PARP9: variants seen among roughly 807,000 people sequenced by gnomAD.
PARP9 encodes poly(ADP-ribose) polymerase family member 9.
Under a neutral mutation model 68.8 loss-of-function variants are expected in PARP9, and 48 were observed. That is an observed-to-expected ratio of 0.70 (90% CI 0.55 to 0.89). The LOEUF (loss-of-function observed/expected upper bound fraction) is 0.89. PARP9 is among the 40% of genes least tolerant of loss of function. The pLI, the probability that PARP9 is intolerant of heterozygous loss-of-function variation, is 0.00. For synonymous variants in PARP9, 309 were observed against 333.8 expected, an observed-to-expected ratio of 0.93 and a Z score of 0.81; for missense variants, 806 against 969.3, an observed-to-expected ratio of 0.83 and a Z score of 2.24.
chr3:122,535,176 A>G lies in PARP9; in HGVS notation c.2080+992T>C, dbSNP rs776647804. ...CTTTAGGAGCAAATGGAAATTATAG[A>G]TTTTTTAAGACTTTGCTAATGAAGG... is the stretch of plus-strand genomic sequence containing the variant. On this transcript the variant is annotated intron_variant, in intron 10 of 10. Coordinates refer to ENST00000682323, the MANE Select transcript of PARP9 (RefSeq NM_001146105.2). 1.3e-4 allele frequency: 127 copies of G among 985,278 alleles called. 1 individual carries two copies. The highest frequency in any genetic ancestry group is 3.5e-5 in the Non-Finnish European group (29 of 829,928). The allele number at this position is 985,278 out of a possible 1,614,324, so 61.0% of individuals were successfully genotyped here. A position where few individuals can be genotyped will look rare whatever the true frequency, so the allele number is the denominator to read the frequency against.
At chr3:122,549,183 T>G (rs1212535343) in intron 6 of PARP9, among the ~76,000 whole-genome samples, 1 of 151,990 alleles carries the variant, frequency 6.6e-6, no homozygotes, top group East Asian at 1.9e-4. Context: ...CCTGGCTAAT[T>G]TTTTGTATTT....
Position 122,550,713 on chromosome 3 carries a change from G to A in PARP9, c.1197C>T (p.Asn399=). Residue 399 remains asparagine, a synonymous_variant, in exon 6 of 11, where the codon AAC becomes AAT. Coordinates refer to ENST00000682323, the MANE Select transcript of PARP9 (RefSeq NM_001146105.2). ...SISFPALGTG[N]MEIKKETAAE... ...CTGCTGTTTCCTTCTTTATTTCCAT[G>A]TTTCCAGTCCCAAGGGCAGGAAAGG... is the stretch of plus-strand genomic sequence containing the variant. The A allele has an allele frequency of 1.2e-6, 2 of 1,613,994 alleles. No individual in the cohort carries two copies. Among genetic ancestry groups the A allele is most frequent in the Non-Finnish European group, 1.7e-6 (2 of 1,179,954 alleles).
chr3:122,547,180 C>T (rs1242779811), intron 6 of PARP9, among the ~76,000 whole-genome samples: 2 of 148,128 alleles, frequency 1.4e-5, no homozygotes, highest in South Asian at 2.2e-4. Flanking sequence ...CTGCAACCTC[C>T]GTCTCCCTGG....
At chr3:122,563,731 C>T (rs1373906941) in intron 1 of PARP9, among the ~76,000 whole-genome samples, 1 of 151,978 alleles carries the variant, frequency 6.6e-6, no homozygotes, top group African/African-American at 2.4e-5. Context: ...ATCTCGCCGC[C>T]ACACTCAATT....
chr3:122,564,381 C>T (rs748157452), upstream of PARP9: 5 of 1,568,366 alleles, frequency 3.2e-6, no homozygotes, highest in Non-Finnish European at 4.3e-6. Context: ...GCCTTTACCG[C>T]CCAGCTGCCT....
chr3:122,549,145 G>C (rs572508780), intron 6 of PARP9, among the ~76,000 whole-genome samples: 1 of 152,122 alleles, frequency 6.6e-6, no homozygotes, highest in East Asian at 1.9e-4. Context: ...CTCCCGAGTA[G>C]CTGGGATTAC....
At chr3:122,557,546 G>A (rs1465673286) in intron 3 of PARP9, among the ~76,000 whole-genome samples, 1 of 152,184 alleles carries the variant, frequency 6.6e-6, no homozygotes, top group Non-Finnish European at 1.5e-5. Flanking sequence ...TCAGCTTTCA[G>A]CCAAGGTCAT....
In PARP9 at chr3:122,552,593, C is replaced by A; in HGVS notation, c.932G>T (p.Gly311Val). The A allele has an allele frequency of 1.2e-6, 2 of 1,613,960 alleles. No individual in the cohort carries two copies. The highest frequency in any genetic ancestry group is 1.7e-6 in the Non-Finnish European group (2 of 1,179,916). ...TTGTAGAATTGACTTTGCCACAGGTCCAACTGTAATATCATGTGGGTTTAC... is the reference window on the plus strand; with the variant it reads ...TTGTAGAATTGACTTTGCCACAGGTACAACTGTAATATCATGTGGGTTTAC... ...NSVNPHDITV[G>V]PVAKSILQQA... The change falls in exon 5 of 11, where the codon GGA (glycine) becomes GTA (valine). Residue 311 changes from glycine to valine, a missense_variant. Gly to Val is a moderately radical substitution (Grantham distance 109). Coordinates refer to ENST00000682323, the MANE Select transcript of PARP9 (RefSeq NM_001146105.2).
In PARP9 at chr3:122,555,645, C is replaced by T; in HGVS notation, c.526G>A (p.Gly176Arg). The change falls in exon 4 of 11, where the codon GGA becomes AGA. Residue 176 changes from glycine to arginine, a missense_variant. By Grantham distance (125) the Gly-to-Arg change is moderately radical (BLOSUM62 -2). This residue lies in a region of PARP9 where 680 missense variants were observed against 858.8 expected (regional missense o/e 0.79). Transcript: ENST00000682323. ...WMEWDKQGCT[G>R]KLQRAIVSIL... ...CTTACAATGGCCCTCTGCAGCTTTCCAGTACATCCCTGTTTATCCCATTCC... is the reference window on the plus strand; with the variant it reads ...CTTACAATGGCCCTCTGCAGCTTTCTAGTACATCCCTGTTTATCCCATTCC... 6.2e-7 allele frequency: 1 copy of T among 1,614,078 alleles called. No homozygotes were observed. The highest frequency in any genetic ancestry group is 8.5e-7 in the Non-Finnish European group (1 of 1,180,006).
At chr3:122,545,599 C>T (rs937270196) in intron 6 of PARP9, 110 bp from the exon 7 acceptor site, 1 of 984,246 alleles carries the variant, frequency 1.0e-6, no homozygotes, top group Non-Finnish European at 1.6e-6. Context: ...TCTGTCAGTC[C>T]CATTCCTACT....
Position 122,528,653 on chromosome 3 carries a change from A to G in PARP9, c.2171T>C (p.Ile724Thr), listed in dbSNP as rs764657224. The G allele has an allele frequency of 6.2e-7, 1 of 1,614,008 alleles. No homozygotes were observed. Among genetic ancestry groups the G allele is most frequent in the African/African-American group, 1.3e-5 (1 of 74,894 alleles). ...GAGTACTTCAGCCTCAAACACATAGATCAGCTTATCTGCAGCAGAGATTTT... is the reference window on the plus strand; with the variant it reads ...GAGTACTTCAGCCTCAAACACATAGGTCAGCTTATCTGCAGCAGAGATTTT... Reference protein sequence around the residue: ...AKKISAADKLIYVFEAEVLTG... With the variant: ...AKKISAADKLTYVFEAEVLTG... Residue 724 changes from isoleucine (I) to threonine (T), a missense_variant, in exon 11 of 11, where the codon ATC becomes ACC. By Grantham distance (89) the Ile-to-Thr change is moderately conservative. Transcript: ENST00000682323.
At position 122,555,966 on chromosome 3, in the gene PARP9, T is replaced by A. The variant is rs200722933; in HGVS notation, c.205A>T (p.Ser69Cys). Residue 69 changes from serine to cysteine, a missense_variant, in exon 4 of 11, where the codon AGC becomes TGC. Ser to Cys is a moderately radical substitution (Grantham distance 112). Around this residue, in one of 2 missense-constraint regions of PARP9, gnomAD observed 126 missense variants for 110.5 expected, o/e 1.14. Transcript: ENST00000682323. The part of the protein sequence containing the change: ...TLVSPVQEGN[S>C]KSLQVFRKML... ...TTTCTGAACACTTGCAGAGATTTGC[T>A]GTTGCCTTCCTGAACTGGAGAGACC... 1.2e-4 allele frequency: 201 copies of A among 1,613,978 alleles called. No individual in the cohort carries two copies. Among genetic ancestry groups the A allele is most frequent in the Non-Finnish European group, 1.5e-4 (182 of 1,179,980 alleles).
chr3:122,528,743 T>C lies in PARP9; in HGVS notation c.2081A>G (p.Asp694Gly). ...GTATATGCCAGCTCCGTATTTTGGA[T>C]CTGATAAAGGAAAAAATAAAATAAA... ...GFQRMYSTPCDPKYGAGIYFT... is the reference protein window; with the variant it reads ...GFQRMYSTPCGPKYGAGIYFT... The change falls in exon 11 of 11, where the codon GAT becomes GGT. Residue 694 changes from aspartate to glycine, a missense_variant and splice_region_variant. This residue lies in a region of PARP9 where 680 missense variants were observed against 858.8 expected (regional missense o/e 0.79). Transcript: ENST00000682323. The C allele has an allele frequency of 1.3e-6, 2 of 1,574,946 alleles. No individual in the cohort carries two copies. The highest frequency in any genetic ancestry group is 1.7e-6 in the Non-Finnish European group (2 of 1,162,644).
chr3:122,562,158 C>CTTTTCTTTTTTCTT (rs147706232), intron 1 of PARP9, among the ~76,000 whole-genome samples: 1 of 62,130 alleles, frequency 1.6e-5, no homozygotes, highest in East Asian at 4.3e-4. Context: ...GCAATATACT[C>CTTTTCTTTTTTCTT]TTTTCTTTTC....
chr3:122,528,832 G>T, intron 10 of PARP9, 89 bp from the exon 11 acceptor site: 1 of 1,234,578 alleles, frequency 8.1e-7, no homozygotes, highest in Non-Finnish European at 1.1e-6. Flanking sequence ...TCTTTCTTTA[G>T]TCTTCCAAAT....
intron 5 of PARP9, 51 bp downstream of exon 5, chr3:122,552,367 A>AAG (rs397978101): frequency 7.6e-7 from 1 of 1,315,836 alleles, no homozygotes; most frequent in Non-Finnish European, 1.1e-6. Context: ...TAAAAAAAAA[A>AAG]GACTGTATAG....
chr3:122,547,203 T>G (rs1000449412), intron 6 of PARP9, among the ~76,000 whole-genome samples: 4 of 149,536 alleles, frequency 2.7e-5, no homozygotes, highest in Non-Finnish European at 4.4e-5. Context: ...CAAGTGATTC[T>G]CCTGCCTCAG....
chr3:122,534,001 C>T (rs1181253997), intron 10 of PARP9: 1 of 985,316 alleles, frequency 1.0e-6, no homozygotes, highest in Non-Finnish European at 1.2e-6. Context: ...AGAGTTCTCT[C>T]TAGCCTACAG....
rs1308385163 is a variant in PARP9, at chr3:122,528,400, A to G, written c.2424T>C (p.Pro808=). 1 of 1,614,142 alleles carries G rather than the reference A, an allele frequency of 6.2e-7. No individual in the cohort carries two copies. Among genetic ancestry groups the G allele is most frequent in the Non-Finnish European group, 8.5e-7 (1 of 1,179,988 alleles). ...SGPMRPFAQH[P]WRGFASGSPV... is the part of the protein sequence containing the mutation. ...GGCTGCCACTTGCGAATCCCCTCCA[A>G]GGATGCTGTGCAAAGGGTCTCATTG... The change falls in exon 11 of 11, where the codon CCT becomes CCC. Residue 808 remains proline, a synonymous_variant. Transcript: ENST00000682323.
Sources: gnomAD v4.1 joint callset for allele counts (sites outside exome capture counted in the v4.1 genomes callset) on GRCh38, gnomAD v4.1.1 for gene constraint, gnomAD v4.1.1 regional missense constraint, MANE v1.5 for transcripts, NCBI Gene and HGNC (gene_info 2026-07-23, HGNC 2026-07-21) for gene names.